MID1: variants seen among roughly 807,000 people sequenced by gnomAD.
MID1 encodes E3 ubiquitin-protein ligase Midline-1.
A neutral mutation model predicts 40.4 loss-of-function variants in MID1; 7 were observed. The ratio of observed to expected loss-of-function variants is 0.17; its 90% CI spans 0.10 to 0.33. MID1 has a LOEUF of 0.33. Ranked by LOEUF, MID1 falls within the 10% of genes least tolerant of loss-of-function variation. The pLI is 1.00. For missense variants in MID1, 367 were observed against 558.5 expected (o/e 0.66, Z 3.46); for synonymous variants, 229 against 221.2 (o/e 1.04, Z -0.31).
intron 2 of MID1, among the ~76,000 whole-genome samples, chrX:10,561,683 A>T (rs1934343859): frequency 9.3e-6 from 1 of 107,372 alleles, no homozygotes; most frequent in Non-Finnish European, 1.9e-5. Context: ...TACCATCTCA[A>T]GCCAGTTAGA....
At chrX:10,641,469 G>A (rs1241238220) in intron 1 of MID1, among the ~76,000 whole-genome samples, 1 of 111,691 alleles carries the variant, frequency 9.0e-6, no homozygotes, top group Non-Finnish European at 1.9e-5. Context: ...GACTAAACCA[G>A]GAAGAAGTTG....
At chrX:10,807,146 G>C (rs2044053993) in intron 1 of MID1, among the ~76,000 whole-genome samples, 1 of 110,500 alleles carries the variant, frequency 9.0e-6, no homozygotes, top group African/African-American at 3.3e-5. Context: ...TCGGGAGGCT[G>C]AGGCAGGAGA....
chrX:10,596,308 C>T (rs747318517), intron 1 of MID1, among the ~76,000 whole-genome samples: 58 of 111,431 alleles, frequency 5.2e-4, no homozygotes, highest in African/African-American at 1.8e-3. Context: ...GTTCACTCAC[C>T]GATACCCGCC....
At position 10,665,177 on chromosome X, in the gene MID1, A is replaced by T. The variant is rs184252067; in HGVS notation, c.-186-44758T>A. 6.8e-3 allele frequency among the ~76,000 whole-genome samples: 765 copies of T among 112,428 alleles called. 16 individuals are homozygous for T. In the Admixed American group the frequency reaches 0.068, roughly 10 times the overall value. On this transcript the variant is annotated intron_variant, in intron 1 of 10. Coordinates refer to the MID1 transcript ENST00000380785. ...AAGAGATATTTTTGGCTATGAAGAC[A>T]TCTAGGTCAAAGCCCTCACACTTGC... is the stretch of plus-strand genomic sequence containing the variant.
chrX:10,639,062 G>A (rs1306579375), intron 1 of MID1, among the ~76,000 whole-genome samples: 3 of 112,181 alleles, frequency 2.7e-5, no homozygotes, highest in Non-Finnish European at 5.6e-5. Context: ...GGAGAAACCA[G>A]AGCAGAAAAG....
intron 1 of MID1, among the ~76,000 whole-genome samples, chrX:10,832,409 T>C (rs2044258523): frequency 8.9e-6 from 1 of 112,469 alleles, no homozygotes; most frequent in African/African-American, 3.2e-5. Context: ...ACTGATTACT[T>C]TTCTTTAAAT....
At chrX:10,505,038 G>A (rs145896107) in intron 3 of MID1, among the ~76,000 whole-genome samples, 2,813 of 111,871 alleles carry the variant, frequency 0.025, 98 homozygotes, top group African/African-American at 0.086. Flanking sequence ...ATTTCTGTGA[G>A]AATGTTTCCT....
intron 1 of MID1, among the ~76,000 whole-genome samples, chrX:10,803,095 A>AT (rs200988368): frequency 0.017 from 1,849 of 110,978 alleles, 46 homozygotes; most frequent in African/African-American, 0.058. Context: ...TATCTGAATG[A>AT]TGGGATCATT....
At position 10,482,566 on chromosome X, in the gene MID1, T is replaced by C. The variant is rs1930393778; in HGVS notation, c.927A>G (p.Ser309=). The change falls in exon 5 of 10, where the codon TCA becomes TCG. Residue 309 remains serine, a synonymous_variant. Transcript: ENST00000317552. ...IANCKQCIER[S]ASLISQAEHS... is the part of the protein sequence containing the mutation. ...GTTCCGCTTGGGAGATGAGTGATGC[T>C]GACCGCTCAATGCACTGTTTGCAGT... The C allele has an allele frequency of 4.1e-6, 5 of 1,208,630 alleles. No homozygotes were observed. Among genetic ancestry groups the C allele is most frequent in the Admixed American group, 2.2e-5 (1 of 45,816 alleles).
intron 1 of MID1, among the ~76,000 whole-genome samples, chrX:10,700,360 T>G (rs2043187539): frequency 9.1e-6 from 1 of 110,404 alleles, no homozygotes. Flanking sequence ...AAGACCAGCT[T>G]AGGCAACATG....
intron 4 of MID1, among the ~76,000 whole-genome samples, chrX:10,491,441 G>A (rs927761228): frequency 7.3e-5 from 8 of 110,082 alleles, no homozygotes; most frequent in African/African-American, 2.3e-4. Context: ...GGGGGACAGG[G>A]TCTTGCCGTG....
At chrX:10,484,572 C>A (rs966207186) in intron 4 of MID1, among the ~76,000 whole-genome samples, 1 of 112,010 alleles carries the variant, frequency 8.9e-6, no homozygotes, top group African/African-American at 3.2e-5. Context: ...CTACAGAGAA[C>A]AATTTTGGGC....
chrX:10,468,480 T>C (rs1929509814), intron 7 of MID1, among the ~76,000 whole-genome samples: 1 of 112,790 alleles, frequency 8.9e-6, no homozygotes, highest in Non-Finnish European at 1.9e-5. Flanking sequence ...TTGATATGAA[T>C]TTATTCAAAA....
intron 1 of MID1, 25 bp from the exon 2 acceptor site, chrX:10,567,628 A>G (rs1934605718): frequency 1.8e-6 from 2 of 1,114,418 alleles, no homozygotes; most frequent in East Asian, 3.0e-5. Context: ...GTAAGATTTG[A>G]TTAGGCACAG....
chrX:10,833,587 T>G (rs2147167249), exon 1 of MID1: 1 of 112,371 alleles, frequency 8.9e-6, no homozygotes, highest in South Asian at 3.7e-4. Context: ...TGGGGGTTTT[T>G]GTTCCTCAGT....
At chrX:10,661,318 C>CT (rs113834216) in intron 1 of MID1, among the ~76,000 whole-genome samples, 5,155 of 102,541 alleles carry the variant, frequency 0.05, 246 homozygotes, top group African/African-American at 0.14. Context: ...CCAACTATTT[C>CT]TTTTTTTTTT....
intron 2 of MID1, among the ~76,000 whole-genome samples, chrX:10,553,264 T>TAAA (rs773193264): frequency 7.6e-4 from 79 of 104,314 alleles, no homozygotes; most frequent in African/African-American, 2.7e-3. Context: ...AAAAAAGAAA[T>TAAA]AAAAAAAATA....
chrX:10,600,475 G>C (rs1167823746), intron 1 of MID1, among the ~76,000 whole-genome samples: 1 of 111,456 alleles, frequency 9.0e-6, no homozygotes, highest in Non-Finnish European at 1.9e-5. Context: ...TTGGGGGTTG[G>C]GGAAGGTGGG....
intron 1 of MID1, among the ~76,000 whole-genome samples, chrX:10,693,793 T>G (rs1431261769): frequency 8.9e-6 from 1 of 112,029 alleles, no homozygotes; most frequent in Non-Finnish European, 1.9e-5. Context: ...TTCACACTAA[T>G]AAACAGAAAG....
Sources: gnomAD v4.1 joint callset for allele counts (sites outside exome capture counted in the v4.1 genomes callset) on GRCh38, gnomAD v4.1.1 for gene constraint, MANE v1.5 for transcripts, NCBI Gene and HGNC (gene_info 2026-07-23, HGNC 2026-07-21) for gene names.